PFDN6: variants seen among roughly 807,000 people sequenced by gnomAD.
PFDN6 encodes HLA class II region expressed gene KE2.
Under a neutral mutation model 19.3 loss-of-function variants are expected in PFDN6, and 5 were observed. The observed-to-expected ratio is 0.26, with a 90% CI of 0.14 to 0.55. The LOEUF (loss-of-function observed/expected upper bound fraction) is 0.55, where lower values mean the gene tolerates loss of function less well. PFDN6 is among the 20% of genes least tolerant of loss of function. PFDN6 has a pLI of 0.94. For missense variants in PFDN6, 101 were observed against 149.4 expected (o/e 0.68, Z 1.69); for synonymous variants, 51 against 63.4 (o/e 0.80, Z 0.93).
intron 1 of PFDN6, 42 bp from the exon 2 acceptor site, chr6:33,290,132 G>C: frequency 6.3e-7 from 1 of 1,593,192 alleles, no homozygotes; most frequent in Non-Finnish European, 8.6e-7. Flanking sequence ...GGGATAGGTG[G>C]CACATTTGAT....
intron 1 of PFDN6, 93 bp downstream of exon 1, chr6:33,290,013 C>A: frequency 3.8e-6 from 5 of 1,325,122 alleles, no homozygotes; most frequent in Non-Finnish European, 5.3e-6. Flanking sequence ...TGGGCCCTCG[C>A]GTGCAGAGAC....
chr6:33,290,694 T>G, intron 3 of PFDN6, 22 bp from the exon 4 acceptor site: 1 of 1,610,806 alleles, frequency 6.2e-7, no homozygotes. Context: ...CCTTTCTGCT[T>G]GTCTCCCTTG....
At chr6:33,289,544 C>T (rs1421932561), upstream of PFDN6, 5 of 908,928 alleles carry the variant, frequency 5.5e-6, no homozygotes, top group Admixed American at 7.7e-5. Context: ...CATCAAGGGT[C>T]AGAAAGAAAC....
chr6:33,289,865 G>C lies in PFDN6; in HGVS notation c.9G>C (p.Glu3Asp), dbSNP rs770920815. ...AGGCTTTCATCCCCGCCATGGCGGAGCTGATCCAGAAGAAGCTACAGGGAG... is the reference window on the plus strand; with the variant it reads ...AGGCTTTCATCCCCGCCATGGCGGACCTGATCCAGAAGAAGCTACAGGGAG... MA[E>D]LIQKKLQGEV... Residue 3 changes from glutamate (E) to aspartate (D), a missense_variant, in exon 1 of 4, where the codon GAG becomes GAC. This residue lies in a region of PFDN6 where 54 missense variants were observed against 108.8 expected (regional missense o/e 0.50). Transcript: ENST00000374606. The C allele has an allele frequency of 1.9e-6, 3 of 1,604,772 alleles. No homozygotes were observed. The South Asian group carries it at 3.3e-5, about 18-fold the overall frequency.
rs907387910 is a variant in PFDN6 at position 33,290,017 on chromosome 6, CAG to C, written c.64+101_64+102del. 6.5e-5 allele frequency: 86 copies of C among 1,319,304 alleles called. 2 individuals carry two copies. In the Middle Eastern group the frequency reaches 1.3e-3, roughly 20 times the overall value. The allele number at this position is 1,319,304 out of a possible 1,614,324, so 81.7% of individuals were successfully genotyped here. ...GTTGCCCCATCTGGGCCCTCGCGTG[CAG>C]AGACTTCCCCGCCTCAGTCTCAGTA... On this transcript the variant is annotated intron_variant, in intron 1 of 3. Transcript: ENST00000374606.
In PFDN6 at chr6:33,290,747, G is replaced by C. The variant is rs373320781; in HGVS notation, c.292G>C (p.Glu98Gln). The C allele has an allele frequency of 3.1e-6, 5 of 1,612,442 alleles. No homozygotes were observed. The South Asian group carries it at 3.3e-5, about 11-fold the overall frequency. The part of the protein sequence containing the change: ...KRYESQLRDL[E>Q]RQSEQQRETL... ...ATACGAATCCCAGCTTCGGGATCTT[G>C]AGCGGCAGTCAGAGCAACAGAGGGA... The change falls in exon 4 of 4, where the codon GAG (glutamate) becomes CAG (glutamine). Residue 98 changes from glutamate (E) to glutamine (Q), a missense_variant. This residue lies in a region of PFDN6 where 47 missense variants were observed against 40.6 expected (regional missense o/e 1.16). Coordinates refer to ENST00000374606, the MANE Select transcript of PFDN6 (RefSeq NM_001185181.3).
rs1322547348 is a variant in PFDN6 at position 33,289,778 on chromosome 6, A to G, written c.-79A>G. 7 of 1,203,108 alleles carry G rather than the reference A, an allele frequency of 5.8e-6. No individual in the cohort carries two copies. The South Asian group carries it at 6.2e-5, about 11-fold the overall frequency. The allele number at this position is 1,203,108 out of a possible 1,614,324, so 74.5% of individuals were successfully genotyped here. ...TGCTATCATTTCCGCAGGCCAGATC[A>G]GAAAAGGGAGCTCAGGTACCTTCCA... On this transcript the variant is annotated 5_prime_UTR_variant, in exon 1 of 4. Coordinates refer to ENST00000374606, the MANE Select transcript of PFDN6 (RefSeq NM_001185181.3).
Position 33,290,156 on chromosome 6 carries a change from C to G in PFDN6, c.65-18C>G. 6.2e-7 allele frequency: 1 copy of G among 1,613,780 alleles called. No individual in the cohort carries two copies. Among genetic ancestry groups the G allele is most frequent in the Admixed American group, 1.7e-5 (1 of 59,996 alleles). On this transcript the variant is annotated intron_variant, in intron 1 of 3. Transcript: ENST00000374606. ...GGCACATTTGATGTTTCTAAATTGC[C>G]TTTCCTCTCATCCCCAGACTTAAGT... is the stretch of plus-strand genomic sequence containing the variant.
intron 1 of PFDN6, 79 bp downstream of exon 1, chr6:33,289,999 C>T: frequency 2.9e-6 from 4 of 1,401,636 alleles, no homozygotes; most frequent in South Asian, 1.2e-5. Flanking sequence ...TTTGTTGCCC[C>T]ATCTGGGCCC....
upstream of PFDN6, chr6:33,289,340 C>G (rs1219964378): frequency 7.3e-7 from 1 of 1,361,630 alleles, no homozygotes; most frequent in Admixed American, 3.4e-5. Flanking sequence ...AGGGGCGGAA[C>G]AGTTTTTGGC....
In PFDN6 at chr6:33,289,915, A is replaced by G; in HGVS notation, c.59A>G (p.Gln20Arg). The stretch of plus-strand genomic sequence containing the variant: ...GAAGTGGAGAAATATCAACAGCTAC[A>G]GAAGGGTAAGGGAACAGGGTCGGTA... ...QGEVEKYQQLQKDLSKSMSGR... is the reference protein window; with the variant it reads ...QGEVEKYQQLRKDLSKSMSGR... Residue 20 changes from glutamine (Q) to arginine (R), a missense_variant, in exon 1 of 4, where the codon CAG (glutamine) becomes CGG (arginine). Transcript: ENST00000374606. 2.5e-6 allele frequency: 4 copies of G among 1,608,606 alleles called. No individual in the cohort carries two copies. The highest frequency in any genetic ancestry group is 3.4e-6 in the Non-Finnish European group (4 of 1,177,284).
At chr6:33,289,321 T>A (rs753523146), upstream of PFDN6, 30 of 1,438,882 alleles carry the variant, frequency 2.1e-5, no homozygotes, top group Middle Eastern at 2.6e-4. Context: ...GAGGGCACGC[T>A]CTCCTTAGAG....
chr6:33,290,369 T>A lies in PFDN6; in HGVS notation c.179T>A (p.Leu60Gln). The A allele has an allele frequency of 5.0e-6, 8 of 1,609,428 alleles. No individual in the cohort carries two copies. The highest frequency in any genetic ancestry group is 6.8e-6 in the Non-Finnish European group (8 of 1,177,120). The change falls in exon 3 of 4, where the codon CTG (leucine) becomes CAG (glutamine). Residue 60 changes from leucine to glutamine, a missense_variant. Transcript: ENST00000374606. Reference sequence around the variant, plus strand: ...GGGTCCAACGTGGTCTTTAAACTTCTGGGTCCGGTGCTAGTCAAACAGGAG... The same window carrying A: ...GGGTCCAACGTGGTCTTTAAACTTCAGGGTCCGGTGCTAGTCAAACAGGAG... ...LDGSNVVFKL[L>Q]GPVLVKQELG...
At position 33,289,740 on chromosome 6, in the gene PFDN6, T is replaced by A. The variant is rs1474668685; in HGVS notation, c.-117T>A. The A allele has an allele frequency of 1.8e-5, 15 of 812,726 alleles. No homozygotes were observed. Among genetic ancestry groups the A allele is most frequent in the Non-Finnish European group, 2.3e-5 (12 of 527,426 alleles). 50.3% of individuals were successfully genotyped at this position (812,726 alleles called of 1,614,324 possible). On this transcript the variant is annotated 5_prime_UTR_variant, in exon 1 of 4. Transcript: ENST00000374606. Reference sequence around the variant, plus strand: ...GGGAGGTTGCGGTGCCCCTCAGGGCTACCTCTCAAGAGTGCTATCATTTCC... The same window carrying A: ...GGGAGGTTGCGGTGCCCCTCAGGGCAACCTCTCAAGAGTGCTATCATTTCC...
At chr6:33,289,504 A>T, upstream of PFDN6, 1 of 1,175,780 alleles carries the variant, frequency 8.5e-7, no homozygotes, top group Non-Finnish European at 1.1e-6. Context: ...GCAGAACTCC[A>T]CTCCCTAAAC....
intron 3 of PFDN6, 117 bp downstream of exon 3, chr6:33,290,567 C>T: frequency 6.8e-7 from 1 of 1,472,754 alleles, no homozygotes; most frequent in Non-Finnish European, 9.2e-7. Flanking sequence ...CCTCCAGTTC[C>T]TCCAACCCTT....
chr6:33,290,816 G>A lies in PFDN6; in HGVS notation c.361G>A (p.Ala121Thr), dbSNP rs1266460060. ...GCAGGAGTTCCAGCGGGCCCAGGCA[G>A]CAAAGGCAGGGGCTCCTGGCAAGGC... is the stretch of plus-strand genomic sequence containing the variant. The part of the protein sequence containing the change: ...LQQEFQRAQA[A>T]KAGAPGKA Residue 121 changes from alanine (A) to threonine (T), a missense_variant, in exon 4 of 4, where the codon GCA becomes ACA. Ala to Thr is a moderately conservative substitution (Grantham distance 58, BLOSUM62 0). Transcript: ENST00000374606. 6.2e-7 allele frequency: 1 copy of A among 1,602,472 alleles called. No individual in the cohort carries two copies. The highest frequency in any genetic ancestry group is 1.7e-5 in the Admixed American group (1 of 59,930).
intron 1 of PFDN6, 39 bp from the exon 2 acceptor site, chr6:33,290,135 C>T: frequency 5.0e-6 from 8 of 1,599,752 alleles, no homozygotes; most frequent in Non-Finnish European, 6.9e-6. Context: ...ATAGGTGGCA[C>T]ATTTGATGTT....
In PFDN6 at chr6:33,289,704, CCGGGACGGGGG is replaced by C; in HGVS notation, c.-152_-142del. 1.6e-6 allele frequency: 1 copy of C among 619,014 alleles called. No individual in the cohort carries two copies. The highest frequency in any genetic ancestry group is 3.1e-5 in the South Asian group (1 of 32,602). The allele number at this position is 619,014 out of a possible 1,614,324, so 38.3% of individuals were successfully genotyped here. ...CCTGGGGACAGGGTGGAGTCGATAT[CCGGGACGGGGG>C]GGAGGTTGCGGTGCCCCTCAGGGCT... On this transcript the variant is annotated 5_prime_UTR_variant, in exon 1 of 4. Coordinates refer to ENST00000374606, the MANE Select transcript of PFDN6 (RefSeq NM_001185181.3).
Sources: allele counts gnomAD v4.1 joint callset, GRCh38; gene constraint gnomAD v4.1.1; regional missense constraint gnomAD v4.1.1; transcripts MANE v1.5; gene names NCBI Gene and HGNC (gene_info 2026-07-23, HGNC 2026-07-21).